DLGAP4: variants seen among roughly 807,000 people sequenced by gnomAD.
DLGAP4 encodes the protein DLG associated protein 4, also known as disks large-associated protein 4.
DLGAP4 carries 18 observed loss-of-function variants against 86.9 expected under a neutral mutation model. The ratio of observed to expected loss-of-function variants is 0.21; its 90% CI spans 0.14 to 0.31. The LOEUF is 0.31. Ranked by LOEUF, DLGAP4 falls within the 10% of genes least tolerant of loss-of-function variation. The probability of loss-of-function intolerance (pLI) is 1.00; values close to 1 mark genes in which losing one functional copy is unlikely to be tolerated. For synonymous variants in DLGAP4, 548 were observed against 574.3 expected (o/e 0.95, Z 0.65); for missense variants, 1,085 against 1,362.6 (o/e 0.80, Z 3.21).
Position 36,500,322 on chromosome 20 carries a change from C to T in DLGAP4, c.2223C>T (p.Asn741=), listed in dbSNP as rs760868277. 4.3e-6 allele frequency: 7 copies of T among 1,613,984 alleles called. No homozygotes were observed. Among genetic ancestry groups the T allele is most frequent in the Non-Finnish European group, 5.9e-6 (7 of 1,179,974 alleles). The part of the protein sequence containing the change: ...RSLPDCTPHP[N]SISIDAGPRQ... ...TCCCGGACTGTACCCCTCACCCCAA[C>T]TCCATCAGCATCGATGCCGGTCCCC... Residue 741 remains asparagine (N), a synonymous_variant, in exon 10 of 13, where the codon AAC becomes AAT. Transcript: ENST00000339266. This position sits in a 1 kb window ranked among gnomAD's most constrained non-coding sequence, Gnocchi z 4.6.
chr20:36,451,599 C>T (rs1237644485), intron 7 of DLGAP4, among the ~76,000 whole-genome samples: 1 of 152,144 alleles, frequency 6.6e-6, no homozygotes, highest in Non-Finnish European at 1.5e-5. Flanking sequence ...GATCCACCCG[C>T]CTCGGCCTCA....
intron 12 of DLGAP4, 130 bp downstream of exon 12, chr20:36,526,136 A>G (rs1187145124): frequency 8.2e-6 from 11 of 1,346,884 alleles, no homozygotes; most frequent in Non-Finnish European, 1.2e-5. Context: ...TCTCACATCC[A>G]TCACTGCGTG....
chr20:36,493,737 C>T (rs1030116184), intron 7 of DLGAP4, among the ~76,000 whole-genome samples: 3 of 152,228 alleles, frequency 2.0e-5, no homozygotes, highest in Non-Finnish European at 4.4e-5. Context: ...GGAGCAGATG[C>T]GGCTGCTGCT....
intron 7 of DLGAP4, among the ~76,000 whole-genome samples, chr20:36,496,414 C>T (rs577243055): frequency 8.5e-5 from 13 of 152,288 alleles, no homozygotes; most frequent in African/African-American, 3.1e-4. Context: ...AGTACATGCC[C>T]CTGCTGGATA....
intron 2 of DLGAP4, among the ~76,000 whole-genome samples, chr20:36,376,151 A>C (rs2031144752): frequency 6.6e-6 from 1 of 151,312 alleles, no homozygotes; most frequent in African/African-American, 2.4e-5. Flanking sequence ...GGCTTGAGCT[A>C]CTGTGCCCAG....
In DLGAP4 at chr20:36,446,684, T is replaced by C. The variant is rs2033600584; in HGVS notation, c.1408-13T>C. On this transcript the variant is annotated splice_polypyrimidine_tract_variant and intron_variant, in intron 6 of 12. Transcript: ENST00000339266. ...GATAGCCAGCTCCCTCATGCCTGCC[T>C]TTGCCTGGACAGGTACGGGAGGCAG... The C allele has an allele frequency of 4.4e-6, 7 of 1,587,676 alleles. No homozygotes were observed. The highest frequency in any genetic ancestry group is 6.0e-6 in the Non-Finnish European group (7 of 1,161,062).
At chr20:36,338,211 C>T (rs1600410971) in intron 1 of DLGAP4, among the ~76,000 whole-genome samples, 1 of 152,170 alleles carries the variant, frequency 6.6e-6, no homozygotes, top group South Asian at 2.1e-4. Context: ...CAGGGACTCA[C>T]CCACGAGTGC....
chr20:36,509,428 G>A (rs555455611), intron 10 of DLGAP4, among the ~76,000 whole-genome samples: 270 of 152,000 alleles, frequency 1.8e-3, no homozygotes, highest in Non-Finnish European at 3.1e-3. Flanking sequence ...AAAATTAGCC[G>A]GGCGTGGTGG....
At chr20:36,395,748 C>T (rs1188867330) in intron 2 of DLGAP4, among the ~76,000 whole-genome samples, 1 of 152,184 alleles carries the variant, frequency 6.6e-6, no homozygotes, top group Non-Finnish European at 1.5e-5. Flanking sequence ...ATCCGCCCGC[C>T]TCGGCCTCCC....
rs1247116608 is a variant in DLGAP4, at chr20:36,393,449, C to T, written c.-73+26174C>T. ...GGCTGCTAACTTACGAAGTGCTGGGCTCCTGGGAGACGCTCTGGGGTCTGG... is the reference window on the plus strand; with the variant it reads ...GGCTGCTAACTTACGAAGTGCTGGGTTCCTGGGAGACGCTCTGGGGTCTGG... On this transcript the variant is annotated intron_variant, in intron 2 of 12. Coordinates refer to ENST00000339266, the MANE Select transcript of DLGAP4 (RefSeq NM_001365621.2). The surrounding 1 kb of genome is among the most constrained non-coding windows in gnomAD (Gnocchi z 4.4). Among the ~76,000 whole-genome samples, 4 of 152,152 alleles carry T rather than the reference C, an allele frequency of 2.6e-5. No individual in the cohort carries two copies. Among genetic ancestry groups the T allele is most frequent in the Non-Finnish European group, 5.9e-5 (4 of 68,010 alleles).
intron 8 of DLGAP4, chr20:36,499,003 C>A: frequency 1.9e-6 from 1 of 519,552 alleles, no homozygotes; most frequent in Admixed American, 3.5e-5. Context: ...CCAGGGACTT[C>A]GGTGGCTCCT....
At chr20:36,320,747 G>T (rs894915600) in intron 1 of DLGAP4, among the ~76,000 whole-genome samples, 1 of 152,036 alleles carries the variant, frequency 6.6e-6, no homozygotes, top group Non-Finnish European at 1.5e-5. Context: ...CTGGGTGAGG[G>T]GGACACTGAT....
chr20:36,381,843 G>A (rs2031404758), intron 2 of DLGAP4, among the ~76,000 whole-genome samples: 1 of 152,138 alleles, frequency 6.6e-6, no homozygotes, highest in Admixed American at 6.5e-5. Flanking sequence ...GCTGGGATGG[G>A]GGCTTCTCCT....
At chr20:36,498,891 G>A in intron 8 of DLGAP4, 1 of 250,820 alleles carries the variant, frequency 4.0e-6, no homozygotes, top group East Asian at 1.0e-4. Flanking sequence ...CACAGGAGTG[G>A]AGGGAGTGAC....
At chr20:36,523,435 T>G (rs1317285029) in intron 10 of DLGAP4, among the ~76,000 whole-genome samples, 1 of 152,248 alleles carries the variant, frequency 6.6e-6, no homozygotes. Context: ...GACTTCTACA[T>G]TTATGTTAGT....
chr20:36,399,258 G>T (rs1282704132), intron 2 of DLGAP4, among the ~76,000 whole-genome samples: 1 of 152,184 alleles, frequency 6.6e-6, no homozygotes, highest in Non-Finnish European at 1.5e-5. Flanking sequence ...GCACAGGCTG[G>T]ACAAGATGAG....
chr20:36,388,415 G>C (rs1367961070), intron 2 of DLGAP4, among the ~76,000 whole-genome samples: 1 of 152,040 alleles, frequency 6.6e-6, no homozygotes, highest in Non-Finnish European at 1.5e-5. Flanking sequence ...CCAGCTCCTG[G>C]AGCCCCCAGA....
At chr20:36,368,007 T>C (rs2030759525) in intron 2 of DLGAP4, among the ~76,000 whole-genome samples, 1 of 152,218 alleles carries the variant, frequency 6.6e-6, no homozygotes, top group South Asian at 2.1e-4. Context: ...ATGGGGCCAC[T>C]GGGGTAAAAT....
intron 10 of DLGAP4, among the ~76,000 whole-genome samples, chr20:36,521,411 A>G (rs963520651): frequency 3.9e-5 from 6 of 152,160 alleles, no homozygotes; most frequent in African/African-American, 1.2e-4. Flanking sequence ...AAGATAAAGT[A>G]CCCAGGTGCA....
Sources: gnomAD v4.1 joint callset for allele counts (sites outside exome capture counted in the v4.1 genomes callset) on GRCh38, gnomAD v4.1.1 for gene constraint, Gnocchi (gnomAD v3.1) non-coding constraint, MANE v1.5 for transcripts, NCBI Gene and HGNC (gene_info 2026-07-23, HGNC 2026-07-21) for gene names.